Variants in SAMM50 observed in about 807,000 individuals in gnomAD.
SAMM50 encodes the protein sorting and assembly machinery component 50 homolog.
SAMM50 carries 47 observed loss-of-function variants against 66.9 expected under a neutral mutation model. The observed-to-expected ratio is 0.70, with a 90% CI of 0.56 to 0.90. SAMM50 has a LOEUF of 0.90. SAMM50 is among the 40% of genes least tolerant of loss of function. SAMM50 has a pLI of 0.00. For missense variants in SAMM50, 535 were observed against 595.3 expected, an observed-to-expected ratio of 0.90 and a Z score of 1.05; for synonymous variants, 191 against 214.1, an observed-to-expected ratio of 0.89 and a Z score of 0.94.
chr22:43,968,128 G>A (rs1304634446), intron 3 of SAMM50, among the ~76,000 whole-genome samples: 6 of 150,836 alleles, frequency 4.0e-5, no homozygotes, highest in African/African-American at 9.7e-5. Context: ...TCAGAAGGCC[G>A]AGGCAGGAGA....
At chr22:43,961,688 G>A (rs1290685159) in intron 1 of SAMM50, among the ~76,000 whole-genome samples, 1 of 152,152 alleles carries the variant, frequency 6.6e-6, no homozygotes, top group Non-Finnish European at 1.5e-5. Flanking sequence ...CTGACCTAAA[G>A]TGATCTGACC....
intron 13 of SAMM50, 31 bp from the exon 14 acceptor site, chr22:43,990,234 C>G (rs2050316085): frequency 6.2e-7 from 1 of 1,613,868 alleles, no homozygotes; most frequent in Admixed American, 1.7e-5. Flanking sequence ...GACGGGCACG[C>G]ACTGTTGCTC....
intron 14 of SAMM50, among the ~76,000 whole-genome samples, chr22:43,991,929 A>G (rs1237939659): frequency 1.3e-5 from 2 of 152,220 alleles, no homozygotes; most frequent in Non-Finnish European, 2.9e-5. Context: ...GCCTCCAGGT[A>G]TCAACACCAT....
chr22:43,962,547 T>G (rs1215636967), intron 1 of SAMM50, among the ~76,000 whole-genome samples: 2 of 152,186 alleles, frequency 1.3e-5, no homozygotes, highest in Non-Finnish European at 2.9e-5. Context: ...TTCGAGTCCA[T>G]TTTGTGAGCA....
intron 10 of SAMM50, among the ~76,000 whole-genome samples, chr22:43,978,249 C>G (rs1243143622): frequency 6.6e-6 from 1 of 151,788 alleles, no homozygotes; most frequent in Non-Finnish European, 1.5e-5. Context: ...CGAGACCATC[C>G]TGGCTAACAC....
At chr22:43,963,173 G>A (rs1192804750) in intron 1 of SAMM50, 113 bp from the exon 2 acceptor site, 1 of 642,316 alleles carries the variant, frequency 1.6e-6, no homozygotes, top group Non-Finnish European at 2.7e-6. Flanking sequence ...ACCTCTACTT[G>A]AAGGGAACAA....
intron 9 of SAMM50, among the ~76,000 whole-genome samples, 186 bp downstream of exon 9, chr22:43,977,007 C>T (rs1199977119): frequency 6.6e-6 from 1 of 152,214 alleles, no homozygotes; most frequent in South Asian, 2.1e-4. Context: ...TTGCTCCCTA[C>T]CCCCTGCAGT....
At position 43,973,281 on chromosome 22, in the gene SAMM50, C is replaced by T. The variant is rs777074079; in HGVS notation, c.606C>T (p.Ser202=). The change falls in exon 7 of 15, where the codon AGC becomes AGT. Residue 202 remains serine, a synonymous_variant. Coordinates refer to ENST00000350028, the MANE Select transcript of SAMM50 (RefSeq NM_015380.5). ...AAGTTACTGGACAGTTCCCTTGGAGCTCACTGCGGGAGACGGACAGAGGAA... is the reference window on the plus strand; with the variant it reads ...AAGTTACTGGACAGTTCCCTTGGAGTTCACTGCGGGAGACGGACAGAGGAA... The part of the protein sequence containing the change: ...LYKVTGQFPW[S]SLRETDRGMS... 33 of 1,608,212 alleles carry T rather than the reference C, an allele frequency of 2.1e-5. No individual in the cohort carries two copies. The highest frequency in any genetic ancestry group is 2.7e-5 in the African/African-American group (2 of 74,802).
chr22:43,996,272 A>G (rs1910330933), intron 14 of SAMM50, 66 bp from the exon 15 acceptor site: 1 of 1,550,164 alleles, frequency 6.5e-7, no homozygotes, highest in Admixed American at 1.7e-5. Context: ...GCGCATGCTC[A>G]GTGAGTCGTG....
At chr22:43,961,114 C>T (rs911130059) in intron 1 of SAMM50, among the ~76,000 whole-genome samples, 6 of 152,040 alleles carry the variant, frequency 3.9e-5, no homozygotes, top group East Asian at 1.9e-4. Flanking sequence ...GTTACCTTTC[C>T]GGGGAAAAGT....
rs2050242491 is a variant in SAMM50, at chr22:43,978,104, AT to A, written c.936+149del. 5 of 588,670 alleles carry A rather than the reference AT, an allele frequency of 8.5e-6. No individual in the cohort carries two copies. The East Asian group carries it at 1.5e-4, about 18-fold the overall frequency. 36.5% of individuals were successfully genotyped at this position (588,670 alleles called of 1,614,324 possible). A position where few individuals can be genotyped will look rare whatever the true frequency, so the allele number is the denominator to read the frequency against. On this transcript the variant is annotated intron_variant, in intron 10 of 14. Transcript: ENST00000350028. ...CCTTTGATGTTTCCAGTTTAGCCAG[AT>A]TTGCAGGTAGTCTGGGGAGAAGCCA...
intron 7 of SAMM50, among the ~76,000 whole-genome samples, chr22:43,974,036 C>G (rs1354532621): frequency 6.9e-6 from 1 of 144,428 alleles, no homozygotes; most frequent in Non-Finnish European, 1.5e-5. Context: ...TTTTTTTTTT[C>G]TCCTTCCTTT....
At chr22:43,989,857 C>G (rs1293251318) in intron 13 of SAMM50, among the ~76,000 whole-genome samples, 3 of 152,118 alleles carry the variant, frequency 2.0e-5, no homozygotes, top group African/African-American at 7.2e-5. Flanking sequence ...GGATTGGGTG[C>G]CTTCCTCAGG....
intron 10 of SAMM50, among the ~76,000 whole-genome samples, chr22:43,978,837 C>T (rs888343113): frequency 6.6e-6 from 1 of 152,140 alleles, no homozygotes; most frequent in Non-Finnish European, 1.5e-5. Flanking sequence ...CCTTATCTAC[C>T]TTAAAACCTG....
intron 10 of SAMM50, 151 bp downstream of exon 10, chr22:43,978,109 C>A: frequency 1.7e-6 from 1 of 590,040 alleles, no homozygotes; most frequent in Non-Finnish European, 3.0e-6. Context: ...GCCAGATTTG[C>A]AGGTAGTCTG....
chr22:43,962,407 GAGAT>G (rs1603418611), intron 1 of SAMM50, among the ~76,000 whole-genome samples: 1 of 152,216 alleles, frequency 6.6e-6, no homozygotes, highest in Admixed American at 6.5e-5. Context: ...TATATATAGA[GAGAT>G]AGATAAATAG....
rs112488214 is a variant in SAMM50 at position 43,964,242 on chromosome 22, C to G, written c.133-210C>G. On this transcript the variant is annotated intron_variant, in intron 2 of 14. Coordinates refer to ENST00000350028, the MANE Select transcript of SAMM50 (RefSeq NM_015380.5). ...CTGGAGAGGATTTGTAGCTCTTGTT[C>G]ACAGAAAGTACATAACGAGCAAAGG... 5.1e-3 allele frequency among the ~76,000 whole-genome samples: 776 copies of G among 152,242 alleles called. 6 individuals carry two copies. The highest frequency in any genetic ancestry group is 0.017 in the African/African-American group (693 of 41,534).
chr22:43,982,333 T>C (rs2146822360), intron 11 of SAMM50, among the ~76,000 whole-genome samples: 1 of 152,390 alleles, frequency 6.6e-6, no homozygotes, highest in Non-Finnish European at 1.5e-5. Context: ...AACTGCCTTA[T>C]GTAAGTTCCG....
intron 14 of SAMM50, among the ~76,000 whole-genome samples, chr22:43,994,027 G>C (rs1288692423): frequency 1.3e-5 from 2 of 152,230 alleles, no homozygotes; most frequent in Non-Finnish European, 2.9e-5. Context: ...TCGCTTGGGA[G>C]AGCAGCTCAC....
Sources: allele counts gnomAD v4.1 joint callset (sites outside exome capture counted in the v4.1 genomes callset), GRCh38; gene constraint gnomAD v4.1.1; transcripts MANE v1.5; gene names NCBI Gene and HGNC (gene_info 2026-07-23, HGNC 2026-07-21).